Variants in BST1 observed in about 807,000 individuals in gnomAD.
BST1 encodes the protein bone marrow stromal cell antigen 1.
In BST1, 49 loss-of-function variants were observed where a neutral mutation model predicts 40.6. The observed-to-expected ratio is 1.21, with a 90% CI of 0.96 to 1.53. The LOEUF (loss-of-function observed/expected upper bound fraction) is 1.53, where lower values mean the gene tolerates loss of function less well. Among genes scored for constraint, BST1 ranks in the 40% most tolerant of loss-of-function variants. The pLI is 0.00. For missense variants in BST1, 423 were observed against 395.9 expected (o/e 1.07, Z -0.58); for synonymous variants, 157 against 159.3 (o/e 0.99, Z 0.11).
chr4:15,703,181 C>T lies in BST1; in HGVS notation c.37C>T (p.Gln13Ter). The change falls in exon 1 of 9, where the codon CAG (glutamine) becomes TAG (stop). Residue 13 changes from glutamine (Q) to a stop codon, truncating the protein, a stop_gained. Coordinates refer to ENST00000265016, the MANE Select transcript of BST1 (RefSeq NM_004334.3). LOFTEE classifies it high-confidence loss of function. ...GGGGTGCGCGGCATCGCGGCTGCTC[C>T]AGCTGCTGCTGCAGCTTCTGCTTCT... ...AQGCAASRLL[Q>*]LLLQLLLLLL... is the part of the protein sequence containing the mutation. 10 of 1,562,862 alleles carry T rather than the reference C, an allele frequency of 6.4e-6. No homozygotes were observed. Among genetic ancestry groups the T allele is most frequent in the Non-Finnish European group, 8.7e-6 (10 of 1,155,314 alleles).
At chr4:15,719,350 G>A (rs951322424) in intron 7 of BST1, among the ~76,000 whole-genome samples, 1 of 152,128 alleles carries the variant, frequency 6.6e-6, no homozygotes, top group Admixed American at 6.5e-5. Flanking sequence ...GTGCATGACA[G>A]GTGCTAAGGT....
At chr4:15,773,033 C>A in the BST1 span, among the ~76,000 whole-genome samples, 5 of 152,106 alleles carry the variant, frequency 3.3e-5, no homozygotes, top group South Asian at 6.2e-4. Flanking sequence ...GGAAAAAAAA[C>A]CCCACCAACC....
At chr4:15,731,031 C>G in intron 8 of BST1, 1 of 585,048 alleles carries the variant, frequency 1.7e-6, no homozygotes, top group Non-Finnish European at 2.9e-6. Flanking sequence ...GCCAGTTTTT[C>G]TGCCAGTTTT....
chr4:15,731,934 G>A lies in BST1; in HGVS notation c.*89G>A. The A allele has an allele frequency of 7.0e-7, 1 of 1,427,508 alleles. No homozygotes were observed. The highest frequency in any genetic ancestry group is 9.2e-7 in the Non-Finnish European group (1 of 1,082,934). 88.4% of individuals were successfully genotyped at this position (1,427,508 alleles called of 1,614,324 possible). ...TGTTCTGTGTATACCAAATGATTCT[G>A]TTATCTAAAGAAGCTTTTTGCTGGG... On this transcript the variant is annotated 3_prime_UTR_variant, in exon 9 of 9. Coordinates refer to ENST00000265016, the MANE Select transcript of BST1 (RefSeq NM_004334.3).
intron 8 of BST1, chr4:15,731,073 C>A: frequency 4.1e-6 from 2 of 492,242 alleles, no homozygotes; most frequent in Non-Finnish European, 7.5e-6. Context: ...AGTTGACAGG[C>A]AGGTGACTGT....
At chr4:15,709,036 A>G (rs1335583779) in intron 3 of BST1, among the ~76,000 whole-genome samples, 1 of 152,232 alleles carries the variant, frequency 6.6e-6, no homozygotes, top group African/African-American at 2.4e-5. Flanking sequence ...TTAATACCCC[A>G]TGCTTACATT....
At chr4:15,760,131 T>C in the BST1 span, among the ~76,000 whole-genome samples, 3 of 152,086 alleles carry the variant, frequency 2.0e-5, no homozygotes, top group East Asian at 5.8e-4. Flanking sequence ...CTACTTTCCG[T>C]CTCTATGGAT....
rs1289783407 is a variant in BST1, at chr4:15,732,519, T to C, written c.*674T>C. 1 of 152,210 alleles carries C rather than the reference T, an allele frequency of 6.6e-6. No homozygotes were observed. The highest frequency in any genetic ancestry group is 1.5e-5 in the Non-Finnish European group (1 of 68,060). The allele number at this position is 152,210 out of a possible 1,614,324, so 9.4% of individuals were successfully genotyped here. A position where few individuals can be genotyped will look rare whatever the true frequency, so the allele number is the denominator to read the frequency against. Reference sequence around the variant, plus strand: ...TTTTAGTAGAGATGGGGTTTCACCATGTTGGCCAGGCTAGTCTCGAATTCC... The same window carrying C: ...TTTTAGTAGAGATGGGGTTTCACCACGTTGGCCAGGCTAGTCTCGAATTCC... On this transcript the variant is annotated 3_prime_UTR_variant, in exon 9 of 9. Coordinates refer to ENST00000265016, the MANE Select transcript of BST1 (RefSeq NM_004334.3).
chr4:15,711,367 T>C (rs956027676), intron 3 of BST1, among the ~76,000 whole-genome samples: 1 of 152,244 alleles, frequency 6.6e-6, no homozygotes, highest in African/African-American at 2.4e-5. Flanking sequence ...CATTATCACT[T>C]TCTTAATCCT....
chr4:15,773,192 A>G, the BST1 span, among the ~76,000 whole-genome samples: 1 of 152,194 alleles, frequency 6.6e-6, no homozygotes, highest in Admixed American at 6.5e-5. Flanking sequence ...TATTTAATGA[A>G]TAATTTGCAG....
chr4:15,727,352 G>A (rs1721169220), intron 8 of BST1, among the ~76,000 whole-genome samples: 1 of 152,124 alleles, frequency 6.6e-6, no homozygotes, highest in Non-Finnish European at 1.5e-5. Context: ...TGACAATTCT[G>A]GCTGATTCCT....
the BST1 span, among the ~76,000 whole-genome samples, chr4:15,746,815 C>A: frequency 0.033 from 5,028 of 152,278 alleles, 278 homozygotes; most frequent in African/African-American, 0.11. Flanking sequence ...GGGCTAGGGA[C>A]ATGATCACAG....
chr4:15,734,327 AAG>A (rs1474987447), downstream of BST1, among the ~76,000 whole-genome samples: 1 of 152,220 alleles, frequency 6.6e-6, no homozygotes, highest in East Asian at 1.9e-4. Context: ...GTACATGAAA[AAG>A]AGTAAATTTT....
the BST1 span, among the ~76,000 whole-genome samples, chr4:15,749,040 G>T: frequency 3.3e-5 from 5 of 152,196 alleles, no homozygotes; most frequent in African/African-American, 1.2e-4. Flanking sequence ...GCTTAATCCT[G>T]CGGGGACCTT....
At chr4:15,748,420 GAA>G in the BST1 span, among the ~76,000 whole-genome samples, 40 of 152,206 alleles carry the variant, frequency 2.6e-4, no homozygotes, top group East Asian at 7.7e-3. Flanking sequence ...AAGAGGGGGA[GAA>G]AGCGACTCCT....
chr4:15,770,209 C>T, the BST1 span, among the ~76,000 whole-genome samples: 1 of 152,014 alleles, frequency 6.6e-6, no homozygotes, highest in Non-Finnish European at 1.5e-5. Context: ...GAAAGAAGAA[C>T]ATGTGTGCTT....
At chr4:15,772,546 G>A in the BST1 span, among the ~76,000 whole-genome samples, 4 of 152,212 alleles carry the variant, frequency 2.6e-5, no homozygotes, top group South Asian at 2.1e-4. Flanking sequence ...GTCTCCTGAG[G>A]AGGGGACACC....
rs1721404227 is a variant in BST1, at chr4:15,732,222, A to AAT, written c.*377_*378insAT. 9 of 685,946 alleles carry AAT rather than the reference A, an allele frequency of 1.3e-5. No individual in the cohort carries two copies. The highest frequency in any genetic ancestry group is 1.7e-5 in the Non-Finnish European group (9 of 544,402). 42.5% of individuals were successfully genotyped at this position (685,946 alleles called of 1,614,324 possible). ...CAGCACGGACACTGCATGCTTGTTG[A>AAT]TTGCTTAAGACATATGTATACTATA... On this transcript the variant is annotated 3_prime_UTR_variant, in exon 9 of 9. Transcript: ENST00000265016.
At chr4:15,773,213 C>A in the BST1 span, among the ~76,000 whole-genome samples, 4 of 152,196 alleles carry the variant, frequency 2.6e-5, no homozygotes, top group Admixed American at 2.6e-4. Flanking sequence ...GCAGTAGGAA[C>A]TGTCGTTCAT....
Sources: gnomAD v4.1 joint callset for allele counts (sites outside exome capture counted in the v4.1 genomes callset) on GRCh38, gnomAD v4.1.1 for gene constraint, MANE v1.5 for transcripts, NCBI Gene and HGNC (gene_info 2026-07-23, HGNC 2026-07-21) for gene names.